Variants in PRKCH observed in about 807,000 individuals in gnomAD.
PRKCH encodes protein kinase C eta.
PRKCH carries 28 observed loss-of-function variants against 82.5 expected under a neutral mutation model. The observed-to-expected ratio is 0.34, with a 90% CI of 0.25 to 0.47. The LOEUF (loss-of-function observed/expected upper bound fraction) is 0.47, where lower values mean the gene tolerates loss of function less well. PRKCH is among the 20% of genes least tolerant of loss of function. The pLI is 1.00. For missense variants in PRKCH, 705 were observed against 881.8 expected, an observed-to-expected ratio of 0.80 and a Z score of 2.54; for synonymous variants, 322 against 327.4, an observed-to-expected ratio of 0.98 and a Z score of 0.18.
intron 13 of PRKCH, among the ~76,000 whole-genome samples, chr14:61,548,861 C>CAAAAA (rs11424840): frequency 1.4e-4 from 18 of 128,838 alleles, no homozygotes; most frequent in Admixed American, 1.1e-3. Context: ...GACTTTGTCT[C>CAAAAA]AAAAAAAAAA....
intron 5 of PRKCH, 133 bp downstream of exon 5, chr14:61,449,385 C>A: frequency 1.4e-6 from 1 of 690,304 alleles, no homozygotes; most frequent in East Asian, 2.8e-5. Flanking sequence ...CTGCTTTCCT[C>A]CCCCTGCCAC....
Position 61,509,473 on chromosome 14 carries a change from T to C in PRKCH, c.1434-19602T>C, listed in dbSNP as rs369082544. Among the ~76,000 whole-genome samples, 5 of 151,742 alleles carry C rather than the reference T, an allele frequency of 3.3e-5. No individual in the cohort carries two copies. In the East Asian group the frequency reaches 9.6e-4, roughly 29 times the overall value. ...TCAAAAGATAAATCAGAATCTTTGC[T>C]CTCAGGATTTAGTCTACTGGGAATT... On this transcript the variant is annotated intron_variant, in intron 10 of 13. Transcript: ENST00000332981.
chr14:61,499,349 A>G (rs923272225), intron 10 of PRKCH, among the ~76,000 whole-genome samples: 2 of 152,210 alleles, frequency 1.3e-5, no homozygotes, highest in East Asian at 3.8e-4. Context: ...CTCACACATG[A>G]TGAATTTCTC....
At chr14:61,398,147 T>C (rs1002567737) in intron 2 of PRKCH, among the ~76,000 whole-genome samples, 1 of 152,226 alleles carries the variant, frequency 6.6e-6, no homozygotes, top group African/African-American at 2.4e-5. Flanking sequence ...TTCCTGAAGC[T>C]AAGAACTGGA....
chr14:61,224,907 G>A (rs2044685373), intron 1 of PRKCH, among the ~76,000 whole-genome samples: 1 of 152,206 alleles, frequency 6.6e-6, no homozygotes, highest in Non-Finnish European at 1.5e-5. Flanking sequence ...CCAAACCTAT[G>A]CTAAGACTGT....
At chr14:61,391,115 T>A in intron 1 of PRKCH, 110 bp from the exon 2 acceptor site, 1 of 834,570 alleles carries the variant, frequency 1.2e-6, no homozygotes, top group Non-Finnish European at 1.8e-6. Context: ...TAGATTTATT[T>A]GATTTGTGGC....
intron 10 of PRKCH, among the ~76,000 whole-genome samples, chr14:61,526,706 G>C (rs971941134): frequency 2.0e-5 from 3 of 152,166 alleles, no homozygotes; most frequent in South Asian, 4.1e-4. Flanking sequence ...ATAGAACCTC[G>C]AGTGCCCTGA....
At chr14:61,409,240 TA>T (rs1350062650) in intron 2 of PRKCH, among the ~76,000 whole-genome samples, 7 of 152,250 alleles carry the variant, frequency 4.6e-5, no homozygotes, top group South Asian at 2.1e-4. Flanking sequence ...GGAATGCTGG[TA>T]GATAGCAGAA....
At chr14:61,419,686 C>G (rs1348277701) in intron 2 of PRKCH, among the ~76,000 whole-genome samples, 2 of 152,196 alleles carry the variant, frequency 1.3e-5, no homozygotes, top group Non-Finnish European at 2.9e-5. Context: ...CACAGATGCA[C>G]TATCCTAGAG....
In PRKCH at chr14:61,528,973, C is replaced by CGTGTGTGTGTGTGTGTGTGTGTGT. The variant is rs57920054; in HGVS notation, c.1434-92_1434-69dup. 1.5e-3 allele frequency: 877 copies of CGTGTGTGTGTGTGTGTGTGTGTGT among 567,210 alleles called. 17 individuals carry two copies. The African/African-American group carries it at 0.021, about 13-fold the overall frequency. 35.1% of individuals were successfully genotyped at this position (567,210 alleles called of 1,614,324 possible). On this transcript the variant is annotated intron_variant, in intron 10 of 13. Transcript: ENST00000332981. Reference sequence around the variant, plus strand: ...GCTCATGCGGCCGCATGTGGCCGCACGTGTGTGTGTGTGTGTGTGTGTGTG... The same window carrying CGTGTGTGTGTGTGTGTGTGTGTGT: ...GCTCATGCGGCCGCATGTGGCCGCACGTGTGTGTGTGTGTGTGTGTGTGTGTGTGTGTGTGTGTGTGTGTGTGTG...
chr14:61,357,750 C>T (rs188621481), intron 1 of PRKCH, among the ~76,000 whole-genome samples: 1 of 152,332 alleles, frequency 6.6e-6, no homozygotes. Flanking sequence ...TGCTTCTGTT[C>T]TCTTGCTGCC....
At chr14:61,299,159 C>A (rs1006099935) in intron 1 of PRKCH, among the ~76,000 whole-genome samples, 2 of 151,996 alleles carry the variant, frequency 1.3e-5, no homozygotes, top group African/African-American at 4.8e-5. Flanking sequence ...GTATAGGTGC[C>A]GTAAGGGACA....
chr14:61,312,420 A>G (rs1293307343), intron 1 of PRKCH, among the ~76,000 whole-genome samples: 1 of 152,176 alleles, frequency 6.6e-6, no homozygotes, highest in African/African-American at 2.4e-5. Context: ...TTTCACTAAC[A>G]ATATATTGAG....
intron 12 of PRKCH, among the ~76,000 whole-genome samples, chr14:61,547,105 G>A (rs1008424188): frequency 1.3e-5 from 2 of 152,170 alleles, no homozygotes; most frequent in African/African-American, 4.8e-5. Context: ...AACCTACTTC[G>A]AAACAGCAGT....
At chr14:61,540,494 CTG>C (rs1481846879) in intron 12 of PRKCH, among the ~76,000 whole-genome samples, 2 of 152,216 alleles carry the variant, frequency 1.3e-5, no homozygotes, top group Non-Finnish European at 2.9e-5. Context: ...CACTCCCAAA[CTG>C]TGTGACAGGT....
intron 1 of PRKCH, among the ~76,000 whole-genome samples, chr14:61,339,294 T>C (rs951308242): frequency 2.0e-5 from 3 of 151,752 alleles, no homozygotes; most frequent in Non-Finnish European, 4.4e-5. Context: ...CATCCTCTCC[T>C]GTCCTCCTGA....
intron 2 of PRKCH, among the ~76,000 whole-genome samples, chr14:61,417,303 C>A (rs953118533): frequency 6.6e-6 from 1 of 152,124 alleles, no homozygotes; most frequent in South Asian, 2.1e-4. Context: ...CTCTTTTTGG[C>A]GGTCTTTTTT....
chr14:61,222,884 C>T (rs1200654816), intron 1 of PRKCH, among the ~76,000 whole-genome samples: 1 of 152,124 alleles, frequency 6.6e-6, no homozygotes. Context: ...TTTCTGTTTC[C>T]ACATTTTATT....
At chr14:61,294,963 C>T (rs943674338) in intron 1 of PRKCH, among the ~76,000 whole-genome samples, 2 of 152,120 alleles carry the variant, frequency 1.3e-5, no homozygotes, top group Non-Finnish European at 2.9e-5. Flanking sequence ...ACCTGCACCT[C>T]CCGGGTTCAA....
Sources: gnomAD v4.1 joint callset for allele counts (sites outside exome capture counted in the v4.1 genomes callset) on GRCh38, gnomAD v4.1.1 for gene constraint, MANE v1.5 for transcripts, NCBI Gene and HGNC (gene_info 2026-07-23, HGNC 2026-07-21) for gene names.